Variants in WWTR1 observed in about 807,000 individuals in gnomAD.
WWTR1 encodes WW domain-containing transcription regulator protein 1.
A neutral mutation model predicts 40.1 loss-of-function variants in WWTR1; 13 were observed. The observed-to-expected ratio is 0.32, with a 90% CI of 0.21 to 0.52. The LOEUF is 0.52. Among genes scored for constraint, WWTR1 ranks in the 20% least tolerant of loss-of-function variants. The pLI is 0.97. For missense variants in WWTR1, 436 were observed against 523.1 expected, an observed-to-expected ratio of 0.83 and a Z score of 1.63; for synonymous variants, 230 against 210.1, an observed-to-expected ratio of 1.09 and a Z score of -0.82.
chr3:149,530,397 T>C (rs1735516863), intron 4 of WWTR1, among the ~76,000 whole-genome samples: 1 of 151,986 alleles, frequency 6.6e-6, no homozygotes, highest in African/African-American at 2.4e-5. Flanking sequence ...CCAGGAGTTC[T>C]AAATTTATAT....
At chr3:149,531,169 A>C (rs1735562968) in intron 4 of WWTR1, among the ~76,000 whole-genome samples, 1 of 152,156 alleles carries the variant, frequency 6.6e-6, no homozygotes, top group Non-Finnish European at 1.5e-5. Context: ...TCCTGGCCTC[A>C]AATGATCTGC....
intron 2 of WWTR1, among the ~76,000 whole-genome samples, chr3:149,624,069 T>C (rs1740438436): frequency 6.6e-6 from 1 of 152,200 alleles, no homozygotes; most frequent in African/African-American, 2.4e-5. Flanking sequence ...ACCACTACCA[T>C]GACCACTTCC....
upstream of WWTR1, among the ~76,000 whole-genome samples, chr3:149,662,420 A>G (rs1270580260): frequency 1.3e-5 from 2 of 152,182 alleles, no homozygotes; most frequent in Non-Finnish European, 2.9e-5. Context: ...CTTTCCAACA[A>G]AGTCCATGCC....
chr3:149,546,967 A>G (rs1158639390), intron 3 of WWTR1, among the ~76,000 whole-genome samples: 2 of 152,120 alleles, frequency 1.3e-5, no homozygotes, highest in African/African-American at 2.4e-5. Flanking sequence ...TCACCTTGCC[A>G]CTATGCTCCC....
intron 2 of WWTR1, among the ~76,000 whole-genome samples, chr3:149,617,088 A>C (rs1019997634): frequency 6.6e-6 from 1 of 152,178 alleles, no homozygotes; most frequent in East Asian, 1.9e-4. Flanking sequence ...TAGACATGCT[A>C]TCTCTTAATT....
intron 5 of WWTR1, among the ~76,000 whole-genome samples, chr3:149,709,341 T>C (rs1365880071): frequency 6.6e-6 from 1 of 152,162 alleles, no homozygotes; most frequent in Non-Finnish European, 1.5e-5. Flanking sequence ...TGGTTTTGAT[T>C]TGTATTAATA....
chr3:149,526,122 C>T lies in WWTR1; in HGVS notation c.909G>A (p.Gly303=), dbSNP rs1428812954. ...NNSSDPFLNG[G]PYHSREQSTD... ...TGCTCTGCTCCCTCGAATGATATGGCCCTCTGCAAAGCAAAAGATGAAGAA... is the reference window on the plus strand; with the variant it reads ...TGCTCTGCTCCCTCGAATGATATGGTCCTCTGCAAAGCAAAAGATGAAGAA... The change falls in exon 6 of 7, where the codon GGG becomes GGA. Residue 303 remains glycine, a synonymous_variant. Coordinates refer to ENST00000360632, the MANE Select transcript of WWTR1 (RefSeq NM_015472.6). The T allele has an allele frequency of 6.3e-7, 1 of 1,590,648 alleles. No homozygotes were observed. Among genetic ancestry groups the T allele is most frequent in the Non-Finnish European group, 8.5e-7 (1 of 1,170,760 alleles).
intron 1 of WWTR1, among the ~76,000 whole-genome samples, chr3:149,699,421 G>A (rs966675540): frequency 6.6e-6 from 1 of 151,664 alleles, no homozygotes; most frequent in Non-Finnish European, 1.5e-5. Flanking sequence ...AGCTTCCCAA[G>A]TAGCTGGGAT....
intron 3 of WWTR1, among the ~76,000 whole-genome samples, chr3:149,557,482 A>G (rs898148846): frequency 1.3e-4 from 20 of 152,152 alleles, no homozygotes; most frequent in African/African-American, 4.3e-4. Flanking sequence ...TAGAAAAACT[A>G]CATTTCTCTT....
Position 149,645,358 on chromosome 3 carries a change from T to C in WWTR1, c.431+11518A>G, listed in dbSNP as rs182718104. On this transcript the variant is annotated intron_variant, in intron 2 of 6. Coordinates refer to ENST00000360632, the MANE Select transcript of WWTR1 (RefSeq NM_015472.6). ...CCTCCCAAAGTGCTGGGATTACAGG[T>C]GTGAGCCACCACGCCTGGCCCCAGG... Among the ~76,000 whole-genome samples, 302 of 152,142 alleles carry C rather than the reference T, an allele frequency of 2.0e-3. 1 individual carries two copies. The highest frequency in any genetic ancestry group is 6.3e-3 in the African/African-American group (260 of 41,528).
upstream of WWTR1, chr3:149,659,436 G>C (rs1446913057): frequency 6.9e-6 from 1 of 145,876 alleles, no homozygotes; most frequent in African/African-American, 2.5e-5. Flanking sequence ...GGGTTCAAAC[G>C]ATTCTCCTGC....
intron 2 of WWTR1, among the ~76,000 whole-genome samples, chr3:149,594,925 C>T (rs2108038020): frequency 7.4e-6 from 1 of 135,334 alleles, no homozygotes; most frequent in East Asian, 2.2e-4. Context: ...GGGAAAATCT[C>T]ATATTGCCTA....
intron 5 of WWTR1, among the ~76,000 whole-genome samples, chr3:149,716,973 C>T (rs539890782): frequency 7.2e-5 from 11 of 152,018 alleles, no homozygotes; most frequent in East Asian, 1.9e-4. Flanking sequence ...GCCCAGAGTT[C>T]GAGACCAGAC....
intron 4 of WWTR1, among the ~76,000 whole-genome samples, chr3:149,531,214 C>G (rs1447566517): frequency 2.0e-5 from 3 of 152,068 alleles, no homozygotes; most frequent in Non-Finnish European, 2.9e-5. Context: ...GGATTACAGG[C>G]GTGAGCCACT....
chr3:149,709,695 A>C (rs1036635875), intron 5 of WWTR1, among the ~76,000 whole-genome samples: 9 of 152,090 alleles, frequency 5.9e-5, no homozygotes, highest in Admixed American at 3.3e-4. Flanking sequence ...ACCTAAAGTT[A>C]GGAGTTTGAG....
intron 2 of WWTR1, among the ~76,000 whole-genome samples, chr3:149,616,899 A>G (rs1392377187): frequency 2.0e-5 from 3 of 152,230 alleles, no homozygotes; most frequent in Admixed American, 1.3e-4. Context: ...CTAGAAGCTT[A>G]AAGTGGAAGA....
At chr3:149,688,777 G>C (rs1180826021) in intron 1 of WWTR1, among the ~76,000 whole-genome samples, 1 of 151,982 alleles carries the variant, frequency 6.6e-6, no homozygotes, top group Non-Finnish European at 1.5e-5. Context: ...AGAAAAACAG[G>C]ACCTCACCAA....
chr3:149,622,541 G>GAAAGAAAGAAAGAA, intron 2 of WWTR1, among the ~76,000 whole-genome samples: 1 of 149,128 alleles, frequency 6.7e-6, no homozygotes, highest in African/African-American at 2.5e-5. Context: ...AAGAAAGAAA[G>GAAAGAAAGAAAGAA]AAAAAGAAAG....
At chr3:149,619,736 T>G (rs1471635907) in intron 2 of WWTR1, among the ~76,000 whole-genome samples, 1 of 152,210 alleles carries the variant, frequency 6.6e-6, no homozygotes, top group Non-Finnish European at 1.5e-5. Flanking sequence ...AGCCTACTAC[T>G]TTAGGTTTAG....
Sources: gnomAD v4.1 joint callset for allele counts (sites outside exome capture counted in the v4.1 genomes callset) on GRCh38, gnomAD v4.1.1 for gene constraint, MANE v1.5 for transcripts, NCBI Gene and HGNC (gene_info 2026-07-23, HGNC 2026-07-21) for gene names.